Variants in LRP1B observed in about 807,000 individuals in gnomAD.
LRP1B encodes low-density lipoprotein receptor-related protein 1B.
Under a neutral mutation model 556.6 loss-of-function variants are expected in LRP1B, and 217 were observed. The observed-to-expected ratio is 0.39, with a 90% CI of 0.35 to 0.44. LRP1B has a LOEUF of 0.44. LRP1B is among the 20% of genes least tolerant of loss of function. The probability of loss-of-function intolerance (pLI) is 1.00; values close to 1 mark genes in which losing one functional copy is unlikely to be tolerated. For missense variants in LRP1B, 5,053 were observed against 5,620.8 expected (o/e 0.90, Z 3.23); for synonymous variants, 2,047 against 1,865.8 (o/e 1.10, Z -2.50).
intron 3 of LRP1B, among the ~76,000 whole-genome samples, chr2:141,274,874 A>C (rs1685225878): frequency 6.6e-6 from 1 of 152,206 alleles, no homozygotes; most frequent in Admixed American, 6.5e-5. Flanking sequence ...GCATAGTCAA[A>C]CTATCAGTTA....
intron 2 of LRP1B, among the ~76,000 whole-genome samples, chr2:141,557,364 T>G (rs958688487): frequency 6.6e-6 from 1 of 151,898 alleles, no homozygotes; most frequent in African/African-American, 2.4e-5. Context: ...ACCATTTCAG[T>G]GTGGCATGGA....
chr2:141,273,862 T>G (rs1197080772), intron 3 of LRP1B, among the ~76,000 whole-genome samples: 2 of 152,186 alleles, frequency 1.3e-5, no homozygotes, highest in Non-Finnish European at 2.9e-5. Context: ...AAATAACTCT[T>G]ATAATTCAGT....
In LRP1B at chr2:140,757,508, A is replaced by C. The variant is rs545463057; in HGVS notation, c.5758+11705T>G. Among the ~76,000 whole-genome samples, 6 of 152,344 alleles carry C rather than the reference A, an allele frequency of 3.9e-5. 1 individual carries two copies. The highest frequency in any genetic ancestry group is 3.9e-4 in the Admixed American group (6 of 15,294). On this transcript the variant is annotated intron_variant, in intron 35 of 90. Transcript: ENST00000389484. ...TGCTACAAAATAGAACATTATGCTAAGTGAAAGAAGCCAGTCACAAAGGAA... is the reference window on the plus strand; with the variant it reads ...TGCTACAAAATAGAACATTATGCTACGTGAAAGAAGCCAGTCACAAAGGAA...
At chr2:141,011,691 A>G (rs1355430819) in intron 14 of LRP1B, among the ~76,000 whole-genome samples, 1 of 152,070 alleles carries the variant, frequency 6.6e-6, no homozygotes, top group Non-Finnish European at 1.5e-5. Flanking sequence ...TTGAAAAAGA[A>G]TTTAGTAATC....
At position 140,511,366 on chromosome 2, in the gene LRP1B, G is replaced by A. The variant is rs1166230072; in HGVS notation, c.8270-1310C>T. Among the ~76,000 whole-genome samples the A allele has an allele frequency of 4.8e-5, 7 of 145,258 alleles. No homozygotes were observed. The South Asian group carries it at 6.7e-4, about 14-fold the overall frequency. ...GCCCAGGCTGGAGTGCGGTGGCGCGGTCTCGGCTCAATGCAAGCTCCGCCT... is the reference window on the plus strand; with the variant it reads ...GCCCAGGCTGGAGTGCGGTGGCGCGATCTCGGCTCAATGCAAGCTCCGCCT... On this transcript the variant is annotated intron_variant, in intron 51 of 90. Coordinates refer to ENST00000389484, the MANE Select transcript of LRP1B (RefSeq NM_018557.3).
At position 140,813,812 on chromosome 2, in the gene LRP1B, A is replaced by C. The variant is rs1194338843; in HGVS notation, c.5210-6T>G. 2 of 1,593,688 alleles carry C rather than the reference A, an allele frequency of 1.3e-6. No individual in the cohort carries two copies. Among genetic ancestry groups the C allele is most frequent in the African/African-American group, 2.7e-5 (2 of 74,136 alleles). ...CACATAGTCTATCGATAGACCTGTAATTAAATTTTACAACTTAAACATAAT... is the reference window on the plus strand; with the variant it reads ...CACATAGTCTATCGATAGACCTGTACTTAAATTTTACAACTTAAACATAAT... On this transcript the variant is annotated splice_polypyrimidine_tract_variant and splice_region_variant and intron_variant, in intron 31 of 90. Coordinates refer to ENST00000389484, the MANE Select transcript of LRP1B (RefSeq NM_018557.3).
intron 2 of LRP1B, among the ~76,000 whole-genome samples, chr2:141,717,989 C>T (rs1574278943): frequency 1.3e-5 from 2 of 152,150 alleles, no homozygotes; most frequent in Admixed American, 1.3e-4. Context: ...ATTTGTAGCC[C>T]TCCCAGGGCT....
Position 141,629,277 on chromosome 2 carries a change from C to T in LRP1B, c.206-148744G>A, listed in dbSNP as rs566476299. On this transcript the variant is annotated intron_variant, in intron 2 of 90. Transcript: ENST00000389484. ...GGGGTACAAGGAAGATGGTGAGAAA[C>T]CATCAAATCAAAATACACTAAGCTA... Among the ~76,000 whole-genome samples, 3 of 152,268 alleles carry T rather than the reference C, an allele frequency of 2.0e-5. No individual in the cohort carries two copies. In the South Asian group the frequency reaches 6.2e-4, roughly 32 times the overall value.
chr2:142,105,942 G>A lies in LRP1B; in HGVS notation c.82+24706C>T, dbSNP rs138889562. On this transcript the variant is annotated intron_variant, in intron 1 of 90. Transcript: ENST00000389484. ...GTACTTAGGTTTATAAACAATGAAA[G>A]TTGAAGTTTCACAGTATTTCATCTC... Among the ~76,000 whole-genome samples, 428 of 152,180 alleles carry A rather than the reference G, an allele frequency of 2.8e-3. 3 individuals are homozygous for A. Among genetic ancestry groups the A allele is most frequent in the African/African-American group, 9.2e-3 (381 of 41,542 alleles).
chr2:141,067,820 G>T (rs1316191296), intron 7 of LRP1B, among the ~76,000 whole-genome samples: 1 of 151,980 alleles, frequency 6.6e-6, no homozygotes, highest in Non-Finnish European at 1.5e-5. Context: ...CTGGTGCACA[G>T]CTGCTGTAAA....
At chr2:141,437,631 TG>T (rs1680810851) in intron 3 of LRP1B, among the ~76,000 whole-genome samples, 1 of 151,952 alleles carries the variant, frequency 6.6e-6, no homozygotes, top group Admixed American at 6.6e-5. Context: ...ATTATCATTC[TG>T]GGGGAAAAAA....
intron 1 of LRP1B, among the ~76,000 whole-genome samples, chr2:142,053,140 T>C (rs1210900057): frequency 1.3e-5 from 2 of 152,162 alleles, no homozygotes; most frequent in Non-Finnish European, 2.9e-5. Context: ...TTGGTTGCAA[T>C]CTCTGAAAGC....
intron 41 of LRP1B, among the ~76,000 whole-genome samples, chr2:140,609,989 A>G (rs1002341840): frequency 2.0e-5 from 3 of 151,054 alleles, no homozygotes; most frequent in African/African-American, 7.3e-5. Flanking sequence ...CTCCTTTTTT[A>G]TTATGCCCTG....
At chr2:140,748,779 T>C (rs1688451248) in intron 35 of LRP1B, among the ~76,000 whole-genome samples, 1 of 49,090 alleles carries the variant, frequency 2.0e-5, no homozygotes, top group Non-Finnish European at 4.7e-5. Flanking sequence ...ATATAATATG[T>C]ATATAATATA....
intron 3 of LRP1B, among the ~76,000 whole-genome samples, chr2:141,480,162 TGTGTGTGTGTGTG>T (rs1383128410): frequency 8.2e-3 from 165 of 20,114 alleles, no homozygotes; most frequent in African/African-American, 0.021. Flanking sequence ...TCTAAATTTG[TGTGTGTGTGTGTG>T]TGTGTGTGTG....
At chr2:140,515,892 T>C (rs573444271) in intron 50 of LRP1B, among the ~76,000 whole-genome samples, 1 of 152,192 alleles carries the variant, frequency 6.6e-6, no homozygotes, top group Non-Finnish European at 1.5e-5. Flanking sequence ...TTTAATCTTT[T>C]TTCTACTCTA....
chr2:141,038,366 A>G (rs1698598341), intron 11 of LRP1B, among the ~76,000 whole-genome samples: 1 of 116,642 alleles, frequency 8.6e-6, no homozygotes, highest in African/African-American at 2.7e-5. Context: ...CTGACTTAAA[A>G]TGACTGACAG....
At chr2:141,887,587 C>T (rs999487491) in intron 1 of LRP1B, among the ~76,000 whole-genome samples, 2 of 152,140 alleles carry the variant, frequency 1.3e-5, no homozygotes, top group Admixed American at 1.3e-4. Context: ...GGCAGGACAC[C>T]GGATGAATGA....
chr2:140,548,932 C>A (rs1385271141), intron 43 of LRP1B, among the ~76,000 whole-genome samples: 4 of 151,922 alleles, frequency 2.6e-5, no homozygotes, highest in South Asian at 2.1e-4. Flanking sequence ...CTCAAAAAAA[C>A]CAACACAAAC....
Sources: gnomAD v4.1 joint callset for allele counts (sites outside exome capture counted in the v4.1 genomes callset) on GRCh38, gnomAD v4.1.1 for gene constraint, MANE v1.5 for transcripts, NCBI Gene and HGNC (gene_info 2026-07-23, HGNC 2026-07-21) for gene names.